The following POMT2 variants were observed in gnomAD, a reference collection of about 807,000 sequenced individuals.
POMT2 encodes protein O-mannosyl-transferase 2.
Under a neutral mutation model 100.0 loss-of-function variants are expected in POMT2, and 75 were observed. The observed-to-expected ratio is 0.75, with a 90% CI of 0.62 to 0.91. The LOEUF (loss-of-function observed/expected upper bound fraction) is 0.91. Among genes scored for constraint, POMT2 ranks in the 40% least tolerant of loss-of-function variants. The pLI is 0.00. For synonymous variants in POMT2, 378 were observed against 374.1 expected (o/e 1.01, Z -0.12); for missense variants, 940 against 955.1 (o/e 0.98, Z 0.21).
chr14:77,302,252 C>T (rs185582656), intron 5 of POMT2, among the ~76,000 whole-genome samples: 8 of 152,296 alleles, frequency 5.3e-5, no homozygotes, highest in African/African-American at 7.2e-5. Context: ...GCAAGTAGAC[C>T]GGACCCTCCA....
Position 77,298,680 on chromosome 14 carries a change from G to A in POMT2, c.1006+9C>T. ...CCTTCTACCTTTGTAATGGCCCAGA[G>A]ACACTCACGTTCAGGGATGGAAGCA... is the stretch of plus-strand genomic sequence containing the variant. On this transcript the variant is annotated intron_variant, in intron 8 of 20. Coordinates refer to ENST00000261534, the MANE Select transcript of POMT2 (RefSeq NM_013382.7). 8 of 1,613,708 alleles carry A rather than the reference G, an allele frequency of 5.0e-6. No individual in the cohort carries two copies. The highest frequency in any genetic ancestry group is 6.8e-6 in the Non-Finnish European group (8 of 1,179,846).
At chr14:77,296,854 G>A (rs953668388) in intron 8 of POMT2, among the ~76,000 whole-genome samples, 1 of 152,128 alleles carries the variant, frequency 6.6e-6, no homozygotes, top group African/African-American at 2.4e-5. Context: ...CTTCCAATCC[G>A]CTGGAATGAC....
rs147337187 is a variant in POMT2 at position 77,320,805 on chromosome 14, C to T, written c.-124G>A. The T allele has an allele frequency of 0.042, 59,311 of 1,405,586 alleles. 1,526 individuals are homozygous for T. Among genetic ancestry groups the T allele is most frequent in the African/African-American group, 0.11 (7,456 of 65,892 alleles). 87.1% of individuals were successfully genotyped at this position (1,405,586 alleles called of 1,614,324 possible). On this transcript the variant is annotated 5_prime_UTR_variant, in exon 1 of 21. Coordinates refer to ENST00000261534, the MANE Select transcript of POMT2 (RefSeq NM_013382.7). ...GGAAATGCAACGCCCTTCACTGCAG[C>T]GGAGCGCGGGGCCCCGGGCTCGGGG...
At chr14:77,301,579 G>A (rs955953967) in intron 5 of POMT2, among the ~76,000 whole-genome samples, 1 of 152,200 alleles carries the variant, frequency 6.6e-6, no homozygotes, top group Non-Finnish European at 1.5e-5. Flanking sequence ...GAATCCTTAG[G>A]TGCCCCTGGA....
intron 16 of POMT2, 141 bp from the exon 17 acceptor site, chr14:77,280,221 G>A: frequency 6.4e-7 from 1 of 1,564,110 alleles, no homozygotes; most frequent in South Asian, 1.2e-5. Context: ...CGAGCTCTCT[G>A]GGAAGCAGGG....
intron 16 of POMT2, 44 bp from the exon 17 acceptor site, chr14:77,280,124 C>T (rs1189795653): frequency 1.2e-6 from 2 of 1,613,350 alleles, no homozygotes; most frequent in Non-Finnish European, 1.7e-6. Flanking sequence ...CCAGCCCATC[C>T]TCGGCCACAC....
rs984321793 is a variant in POMT2, at chr14:77,277,400, C to T, written c.2229G>A (p.Arg743=). ...CTCAAAAGTCCCATGAGTCCAGCCA[C>T]CTTAGTCCTGCCATTGGACTTTGGG... ...QDPQSPMAGL[R]WLDSWDF Residue 743 remains arginine, a synonymous_variant, in exon 21 of 21, where the codon AGG becomes AGA. Coordinates refer to ENST00000261534, the MANE Select transcript of POMT2 (RefSeq NM_013382.7). 3 of 1,613,840 alleles carry T rather than the reference C, an allele frequency of 1.9e-6. No homozygotes were observed. The highest frequency in any genetic ancestry group is 1.7e-5 in the Admixed American group (1 of 60,032).
chr14:77,287,810 G>A (rs1052340709), intron 11 of POMT2: 3 of 152,086 alleles, frequency 2.0e-5, no homozygotes, highest in Non-Finnish European at 2.9e-5. Flanking sequence ...TAGGAGACAC[G>A]ACCAATCTAG....
rs1311942480 is a variant in POMT2 at position 77,279,365 on chromosome 14, A to G, written c.1891+458T>C. The G allele has an allele frequency of 1.4e-5, 5 of 370,178 alleles. 1 individual carries two copies. The highest frequency in any genetic ancestry group is 1.0e-4 in the South Asian group (5 of 47,780). 22.9% of individuals were successfully genotyped at this position (370,178 alleles called of 1,614,324 possible). A position where few individuals can be genotyped will look rare whatever the true frequency, so the allele number is the denominator to read the frequency against. ...GGCAGCCAAAGTTACCAAGAACAGC[A>G]CTGGGATGGGAACTCAATAACCCTG... On this transcript the variant is annotated intron_variant, in intron 18 of 20. Transcript: ENST00000261534.
At position 77,280,031 on chromosome 14, in the gene POMT2, A is replaced by G. The variant is rs367975341; in HGVS notation, c.1775T>C (p.Leu592Pro). The G allele has an allele frequency of 4.3e-6, 7 of 1,614,028 alleles. No homozygotes were observed. The highest frequency in any genetic ancestry group is 5.9e-6 in the Non-Finnish European group (7 of 1,180,020). ...VNDTDFRVYL[L>P]GNPVVWWLNL... is the part of the protein sequence containing the mutation. Reference sequence around the variant, plus strand: ...TGTTTAGGCACTCACCGGGTTGCCAAGCAGATAGACTCGGAAATCTGTGTC... The same window carrying G: ...TGTTTAGGCACTCACCGGGTTGCCAGGCAGATAGACTCGGAAATCTGTGTC... Residue 592 changes from leucine to proline, a missense_variant, in exon 17 of 21, where the codon CTT becomes CCT. Leu to Pro is a moderately conservative substitution (Grantham distance 98). Coordinates refer to ENST00000261534, the MANE Select transcript of POMT2 (RefSeq NM_013382.7).
chr14:77,319,015 T>C (rs1891730250), intron 1 of POMT2, among the ~76,000 whole-genome samples: 1 of 152,124 alleles, frequency 6.6e-6, no homozygotes, highest in South Asian at 2.1e-4. Flanking sequence ...GGATTACAGG[T>C]GTGAGCCACT....
intron 15 of POMT2, among the ~76,000 whole-genome samples, chr14:77,281,769 G>A (rs538955466): frequency 3.9e-5 from 6 of 152,242 alleles, no homozygotes; most frequent in East Asian, 1.9e-4. Context: ...CTGAATGCCC[G>A]TAGCACTCCT....
Position 77,314,009 on chromosome 14 carries a change from T to A in POMT2, c.249-1976A>T, listed in dbSNP as rs143028811. Reference sequence around the variant, plus strand: ...TAGGTGTGAACCACCGCACCCAGCCTGGGCTCCAGATTTTTACTTCAAAAG... The same window carrying A: ...TAGGTGTGAACCACCGCACCCAGCCAGGGCTCCAGATTTTTACTTCAAAAG... On this transcript the variant is annotated intron_variant, in intron 1 of 20. Coordinates refer to ENST00000261534, the MANE Select transcript of POMT2 (RefSeq NM_013382.7). 1.9e-3 allele frequency among the ~76,000 whole-genome samples: 283 copies of A among 152,210 alleles called. 1 individual carries two copies. The highest frequency in any genetic ancestry group is 6.5e-3 in the African/African-American group (268 of 41,534).
chr14:77,306,016 G>A (rs920368806), intron 3 of POMT2, among the ~76,000 whole-genome samples: 1 of 152,244 alleles, frequency 6.6e-6, no homozygotes, highest in African/African-American at 2.4e-5. Flanking sequence ...TGGGGCTGCA[G>A]GAGACTCCTG....
chr14:77,294,485 G>A (rs1237834374), intron 9 of POMT2, among the ~76,000 whole-genome samples: 1 of 152,172 alleles, frequency 6.6e-6, no homozygotes, highest in Non-Finnish European at 1.5e-5. Context: ...TCAAGCCCGA[G>A]TAATTTTTTT....
intron 18 of POMT2, 44 bp from the exon 19 acceptor site, chr14:77,278,913 C>G: frequency 6.3e-7 from 1 of 1,592,284 alleles, no homozygotes; most frequent in Non-Finnish European, 8.6e-7. Flanking sequence ...AAGGAGCGGG[C>G]AGAGATTCCA....
At chr14:77,316,941 A>G (rs1347506238) in intron 1 of POMT2, among the ~76,000 whole-genome samples, 4 of 152,246 alleles carry the variant, frequency 2.6e-5, no homozygotes, top group Non-Finnish European at 5.9e-5. Flanking sequence ...CCAATAGGAC[A>G]GACTGGATCA....
At chr14:77,284,172 A>G (rs1430871985) in intron 14 of POMT2, 1 of 415,766 alleles carries the variant, frequency 2.4e-6, no homozygotes, top group African/African-American at 2.0e-5. Flanking sequence ...CTGCTCTCCT[A>G]TTAGGCATAA....
chr14:77,306,254 ACG>A, intron 3 of POMT2, 81 bp downstream of exon 3: 1 of 1,586,050 alleles, frequency 6.3e-7, no homozygotes, highest in Non-Finnish European at 8.6e-7. Context: ...ACCTGCCACC[ACG>A]CCAGGGCTGC....
Sources: allele counts gnomAD v4.1 joint callset (sites outside exome capture counted in the v4.1 genomes callset), GRCh38; gene constraint gnomAD v4.1.1; transcripts MANE v1.5; gene names NCBI Gene and HGNC (gene_info 2026-07-23, HGNC 2026-07-21).